The following FGD6 variants were observed in gnomAD, a reference collection of about 807,000 sequenced individuals.
FGD6 encodes FYVE, RhoGEF and PH domain-containing protein 6.
FGD6 carries 90 observed loss-of-function variants against 149.4 expected under a neutral mutation model. The observed-to-expected ratio is 0.60, with a 90% confidence interval of 0.51 to 0.72. The LOEUF (loss-of-function observed/expected upper bound fraction) is 0.72. Among genes scored for constraint, FGD6 ranks in the 30% least tolerant of loss-of-function variants. The pLI, the probability that FGD6 is intolerant of heterozygous loss-of-function variation, is 0.00. For synonymous variants in FGD6, 527 were observed against 584.0 expected, an observed-to-expected ratio of 0.90 and a Z score of 1.41; for missense variants, 1,437 against 1,684.8, an observed-to-expected ratio of 0.85 and a Z score of 2.57.
chr12:95,146,657 C>T (rs966777933), intron 5 of FGD6, among the ~76,000 whole-genome samples: 7 of 152,164 alleles, frequency 4.6e-5, no homozygotes, highest in African/African-American at 1.4e-4. Flanking sequence ...ACCACCTACA[C>T]TGTAGTTTCT....
At chr12:95,174,021 A>G (rs1881063633) in intron 2 of FGD6, among the ~76,000 whole-genome samples, 1 of 152,160 alleles carries the variant, frequency 6.6e-6, no homozygotes, top group Non-Finnish European at 1.5e-5. Context: ...AACACCTCTC[A>G]CTGCTAAAGA....
intron 12 of FGD6, among the ~76,000 whole-genome samples, chr12:95,107,285 T>C (rs1340624425): frequency 6.6e-6 from 1 of 152,254 alleles, no homozygotes; most frequent in Non-Finnish European, 1.5e-5. Flanking sequence ...TTTTGAATTC[T>C]AAATCCCACA....
chr12:95,153,086 G>A, intron 3 of FGD6, 93 bp from the exon 4 acceptor site: 2 of 1,081,896 alleles, frequency 1.8e-6, no homozygotes, highest in South Asian at 1.3e-5. Flanking sequence ...TCTGATACTT[G>A]TAAGTTTCCT....
chr12:95,078,321 C>G lies in FGD6; in HGVS notation c.*3199G>C, dbSNP rs1322299825. ...GACTACATTTGACTAAAGTGGATTT[C>G]AAACTTTTCAAAAGCTGAGCACAAT... On this transcript the variant is annotated 3_prime_UTR_variant, in exon 21 of 21. Coordinates refer to ENST00000343958, the MANE Select transcript of FGD6 (RefSeq NM_018351.4). 5.3e-5 allele frequency: 8 copies of G among 152,304 alleles called. No individual in the cohort carries two copies. The highest frequency in any genetic ancestry group is 4.4e-5 in the Non-Finnish European group (3 of 68,024). 9.4% of individuals were successfully genotyped at this position (152,304 alleles called of 1,614,324 possible).
Position 95,084,519 on chromosome 12 carries a change from T to G in FGD6, c.4235A>C (p.Glu1412Ala), listed in dbSNP as rs1368864702. 6.3e-7 allele frequency: 1 copy of G among 1,578,242 alleles called. No individual in the cohort carries two copies. The highest frequency in any genetic ancestry group is 8.6e-7 in the Non-Finnish European group (1 of 1,168,288). The change falls in exon 20 of 21, where the codon GAG becomes GCG. Residue 1412 changes from glutamate to alanine, a missense_variant. Transcript: ENST00000343958. ...TTACTTCTGAGCCGAATGAGCATCC[T>G]CTGCTTTGAATACATAAAATAACAT... The part of the protein sequence containing the change: ...KNMLFYVFKA[E>A]DAHSAQKWIE...
rs1025173558 is a variant in FGD6, at chr12:95,078,386, T to C, written c.*3134A>G. On this transcript the variant is annotated 3_prime_UTR_variant, in exon 21 of 21. Coordinates refer to ENST00000343958, the MANE Select transcript of FGD6 (RefSeq NM_018351.4). Reference sequence around the variant, plus strand: ...AAACATACCAACATATGCTGTGATATAACATTTACATTTTAACTAAATTAC... The same window carrying C: ...AAACATACCAACATATGCTGTGATACAACATTTACATTTTAACTAAATTAC... 5 of 152,236 alleles carry C rather than the reference T, an allele frequency of 3.3e-5. No homozygotes were observed. The highest frequency in any genetic ancestry group is 6.5e-5 in the Admixed American group (1 of 15,282). 9.4% of individuals were successfully genotyped at this position (152,236 alleles called of 1,614,324 possible).
intron 2 of FGD6, among the ~76,000 whole-genome samples, chr12:95,173,232 A>G (rs545594004): frequency 3.9e-5 from 6 of 152,312 alleles, no homozygotes; most frequent in Non-Finnish European, 5.9e-5. Flanking sequence ...AACTGTGAAC[A>G]TGTACCCTGC....
intron 17 of FGD6, among the ~76,000 whole-genome samples, chr12:95,091,331 C>T (rs547934555): frequency 1.3e-5 from 2 of 152,264 alleles, no homozygotes; most frequent in African/African-American, 2.4e-5. Flanking sequence ...ATTAAGCTAA[C>T]GAAGTGCCAC....
chr12:95,144,282 A>G (rs1879943045), intron 5 of FGD6, among the ~76,000 whole-genome samples: 1 of 152,236 alleles, frequency 6.6e-6, no homozygotes, highest in Non-Finnish European at 1.5e-5. Flanking sequence ...TTTTCTTTTA[A>G]ATTAAAAGCA....
chr12:95,164,237 TTTTCC>T (rs934533632), intron 3 of FGD6, among the ~76,000 whole-genome samples: 12 of 152,028 alleles, frequency 7.9e-5, no homozygotes, highest in African/African-American at 2.9e-4. Context: ...CTTTTTTTTT[TTTTCC>T]TTCCTTTTTT....
At chr12:95,174,801 G>A (rs893393061) in intron 2 of FGD6, among the ~76,000 whole-genome samples, 5 of 151,706 alleles carry the variant, frequency 3.3e-5, no homozygotes, top group African/African-American at 7.3e-5. Flanking sequence ...GGTGGAGGGC[G>A]CCTGTAGTCC....
rs1271854417 is a variant in FGD6 at position 95,210,468 on chromosome 12, T to C, written c.816A>G (p.Leu272=). The C allele has an allele frequency of 3.1e-6, 5 of 1,614,038 alleles. No homozygotes were observed. In the African/African-American group the frequency reaches 6.7e-5, roughly 22 times the overall value. ...TCCTTTTCCCATTTTCCAGAGCCTCTAGTTCAGATGACTGAAAGCAATTAT... is the reference window on the plus strand; with the variant it reads ...TCCTTTTCCCATTTTCCAGAGCCTCCAGTTCAGATGACTGAAAGCAATTAT... The part of the protein sequence containing the change: ...KSNNCFQSSE[L]EALENGKRST... Residue 272 remains leucine, a synonymous_variant, in exon 2 of 21, where the codon CTA becomes CTG. Coordinates refer to ENST00000343958, the MANE Select transcript of FGD6 (RefSeq NM_018351.4).
chr12:95,122,288 AC>A (rs1374936080), intron 8 of FGD6, among the ~76,000 whole-genome samples: 1 of 152,168 alleles, frequency 6.6e-6, no homozygotes, highest in Admixed American at 6.6e-5. Context: ...AAATGCTAAA[AC>A]TGTGGCCTTC....
chr12:95,143,160 T>C (rs1879902208), intron 5 of FGD6, among the ~76,000 whole-genome samples: 1 of 152,192 alleles, frequency 6.6e-6, no homozygotes, highest in Non-Finnish European at 1.5e-5. Context: ...CTTACCTTTA[T>C]TTCCAACTGC....
At chr12:95,087,526 G>A (rs138015148) in intron 18 of FGD6, among the ~76,000 whole-genome samples, 2,954 of 152,272 alleles carry the variant, frequency 0.019, 64 homozygotes, top group Non-Finnish European at 0.027. Flanking sequence ...AAGGCCCCCA[G>A]TCTTGCAAGT....
intron 8 of FGD6, among the ~76,000 whole-genome samples, chr12:95,132,758 TAAATAAATAAATAAAC>T (rs1879561661): frequency 1.3e-5 from 2 of 151,696 alleles, no homozygotes; most frequent in South Asian, 4.1e-4. Context: ...CTCAAATAAA[TAAATAAATAAATAAAC>T]AAATAAATAA....
At chr12:95,192,429 T>C (rs1433691050) in intron 2 of FGD6, among the ~76,000 whole-genome samples, 1 of 152,212 alleles carries the variant, frequency 6.6e-6, no homozygotes, top group Non-Finnish European at 1.5e-5. Context: ...AAACAGGATA[T>C]GCCAGGCAAT....
At chr12:95,211,802 T>G (rs2136305238) in intron 1 of FGD6, among the ~76,000 whole-genome samples, 1 of 152,302 alleles carries the variant, frequency 6.6e-6, no homozygotes, top group Non-Finnish European at 1.5e-5. Context: ...CCTCCCAAAG[T>G]GCTGGGATTA....
In FGD6 at chr12:95,209,981, T is replaced by C. The variant is rs761189796; in HGVS notation, c.1303A>G (p.Ser435Gly). 15 of 1,613,082 alleles carry C rather than the reference T, an allele frequency of 9.3e-6. No individual in the cohort carries two copies. Among genetic ancestry groups the C allele is most frequent in the Non-Finnish European group, 1.3e-5 (15 of 1,179,742 alleles). Residue 435 changes from serine (S) to glycine (G), a missense_variant, in exon 2 of 21, where the codon AGT becomes GGT. Coordinates refer to ENST00000343958, the MANE Select transcript of FGD6 (RefSeq NM_018351.4). ...CCTTCGTCCACAGCAAGCGACATAC[T>C]AGAACCATCTACAGTTGTGCTGTCA... ...SSDSTTVDGSSMSLAVDEGTG... is the reference protein window; with the variant it reads ...SSDSTTVDGSGMSLAVDEGTG...
Sources: allele counts gnomAD v4.1 joint callset (sites outside exome capture counted in the v4.1 genomes callset), GRCh38; gene constraint gnomAD v4.1.1; transcripts MANE v1.5; gene names NCBI Gene and HGNC (gene_info 2026-07-23, HGNC 2026-07-21).